EDA: variants seen among roughly 807,000 people sequenced by gnomAD.
EDA encodes the protein ectodysplasin A.
In EDA, 2 loss-of-function variants were observed where a neutral mutation model predicts 23.6. The ratio of observed to expected loss-of-function variants is 0.08; its 90% CI spans 0.03 to 0.27. The LOEUF (loss-of-function observed/expected upper bound fraction) is 0.27, where lower values mean the gene tolerates loss of function less well. EDA is among the 10% of genes least tolerant of loss of function. The pLI is 1.00. For synonymous variants in EDA, 131 were observed against 132.0 expected (o/e 0.99, Z 0.05); for missense variants, 229 against 324.2 (o/e 0.71, Z 2.26).
chrX:69,873,555 G>A (rs983015528), intron 1 of EDA, among the ~76,000 whole-genome samples: 5 of 112,210 alleles, frequency 4.5e-5, no homozygotes, highest in African/African-American at 1.6e-4. Flanking sequence ...GAAATGAAAT[G>A]GGAAATATTA....
intron 1 of EDA, among the ~76,000 whole-genome samples, chrX:69,624,789 C>CCTCTCTCT (rs751401580): frequency 2.7e-4 from 26 of 95,772 alleles, no homozygotes; most frequent in African/African-American, 1.0e-3. Flanking sequence ...GTCAGAAGCT[C>CCTCTCTCT]CTCTCTCTCT....
chrX:69,699,641 G>A (rs1255309361), intron 1 of EDA, among the ~76,000 whole-genome samples: 1 of 111,293 alleles, frequency 9.0e-6, no homozygotes, highest in Non-Finnish European at 1.9e-5. Context: ...TGTTTAGAGA[G>A]GTAGGCAACA....
At chrX:69,714,381 C>T (rs2012227301) in intron 1 of EDA, among the ~76,000 whole-genome samples, 1 of 111,380 alleles carries the variant, frequency 9.0e-6, no homozygotes, top group Admixed American at 9.6e-5. Context: ...CATAGGCTTT[C>T]ACAGAGCAAG....
At chrX:70,007,057 T>C (rs973081488) in intron 2 of EDA, among the ~76,000 whole-genome samples, 1 of 112,113 alleles carries the variant, frequency 8.9e-6, no homozygotes. Flanking sequence ...CAAAAATTTA[T>C]TGACTGTATT....
intron 1 of EDA, among the ~76,000 whole-genome samples, chrX:69,910,522 A>G (rs886648849): frequency 9.2e-6 from 1 of 108,464 alleles, no homozygotes; most frequent in African/African-American, 3.4e-5. Context: ...CATTTCTTCA[A>G]ATATTTTTCT....
intron 2 of EDA, among the ~76,000 whole-genome samples, chrX:70,016,712 G>A (rs1423028712): frequency 9.0e-6 from 1 of 111,406 alleles, no homozygotes; most frequent in Non-Finnish European, 1.9e-5. Flanking sequence ...AATCTCTCGG[G>A]CACTGCTAAA....
intron 1 of EDA, among the ~76,000 whole-genome samples, chrX:69,625,868 GA>G (rs1466911464): frequency 9.2e-6 from 1 of 108,134 alleles, no homozygotes; most frequent in Non-Finnish European, 1.9e-5. Flanking sequence ...CTTGAAAAAT[GA>G]AAAGAAATGC....
At chrX:69,855,483 A>AT (rs1320635402) in intron 1 of EDA, among the ~76,000 whole-genome samples, 1 of 111,487 alleles carries the variant, frequency 9.0e-6, no homozygotes. Flanking sequence ...TCTTTAATTA[A>AT]TTTTTCTATA....
intron 1 of EDA, among the ~76,000 whole-genome samples, chrX:69,793,907 T>G (rs2015480774): frequency 9.0e-6 from 1 of 111,204 alleles, no homozygotes; most frequent in Non-Finnish European, 1.9e-5. Flanking sequence ...CACTCCTGGA[T>G]GTAGAAAACT....
chrX:69,787,678 C>G (rs1188793190), intron 1 of EDA, among the ~76,000 whole-genome samples: 1 of 111,720 alleles, frequency 9.0e-6, no homozygotes, highest in Non-Finnish European at 1.9e-5. Flanking sequence ...GCCTGATGGG[C>G]TTCCCTTTGA....
At chrX:69,779,321 C>T (rs1569327888) in intron 1 of EDA, among the ~76,000 whole-genome samples, 1 of 111,609 alleles carries the variant, frequency 9.0e-6, no homozygotes, top group East Asian at 2.8e-4. Flanking sequence ...GTGATACACC[C>T]ATACAAAAGA....
In EDA at chrX:69,761,121, G is replaced by C. The variant is rs773474809; in HGVS notation, c.396+144417G>C. Among the ~76,000 whole-genome samples the C allele has an allele frequency of 1.3e-4, 14 of 110,886 alleles. No individual in the cohort carries two copies. The South Asian group carries it at 3.4e-3, about 27-fold the overall frequency. On this transcript the variant is annotated intron_variant, in intron 1 of 7. Transcript: ENST00000374552. ...ATATATAGAGGGAATGGCAGATGAA[G>C]AAAAGCTATAAGAGAGGTTAGGAAG... is the stretch of plus-strand genomic sequence containing the variant.
At chrX:69,790,492 C>A (rs949416653) in intron 1 of EDA, among the ~76,000 whole-genome samples, 2 of 111,156 alleles carry the variant, frequency 1.8e-5, no homozygotes, top group Middle Eastern at 4.6e-3. Flanking sequence ...AGTGTGTGAC[C>A]CACTCAGTGA....
In EDA at chrX:70,024,610, T is replaced by C. The variant is rs892617919; in HGVS notation, c.526+1369T>C. Reference sequence around the variant, plus strand: ...TTGAGAAGACAGTGCACATAGGCTTTAAACATTTACTTTGGCTGAAAGTTA... The same window carrying C: ...TTGAGAAGACAGTGCACATAGGCTTCAAACATTTACTTTGGCTGAAAGTTA... On this transcript the variant is annotated intron_variant, in intron 3 of 7. Transcript: ENST00000374552. 6.2e-5 allele frequency among the ~76,000 whole-genome samples: 7 copies of C among 112,995 alleles called. No homozygotes were observed. In the East Asian group the frequency reaches 2.0e-3, roughly 32 times the overall value.
intron 2 of EDA, among the ~76,000 whole-genome samples, chrX:69,997,640 G>A (rs2019678226): frequency 8.9e-6 from 1 of 112,703 alleles, no homozygotes; most frequent in South Asian, 3.6e-4. Context: ...GCATCTCAGA[G>A]GTCTTCACTG....
At chrX:69,696,625 A>G (rs1472970225) in intron 1 of EDA, among the ~76,000 whole-genome samples, 1 of 111,840 alleles carries the variant, frequency 8.9e-6, no homozygotes, top group East Asian at 2.8e-4. Flanking sequence ...TCTATTTTAA[A>G]TTACCATATA....
intron 1 of EDA, among the ~76,000 whole-genome samples, chrX:69,710,894 T>G (rs1358665740): frequency 1.8e-5 from 2 of 111,433 alleles, no homozygotes; most frequent in Admixed American, 1.9e-4. Flanking sequence ...GATTTTGGGC[T>G]GAGAAGATGG....
intron 1 of EDA, among the ~76,000 whole-genome samples, chrX:69,619,138 T>G (rs1281692619): frequency 8.9e-6 from 1 of 112,318 alleles, no homozygotes; most frequent in Non-Finnish European, 1.9e-5. Flanking sequence ...TATTTTTATA[T>G]TTTAGTTTTT....
chrX:69,802,901 A>G (rs756330147), intron 1 of EDA, among the ~76,000 whole-genome samples: 1 of 112,029 alleles, frequency 8.9e-6, no homozygotes, highest in Admixed American at 9.5e-5. Flanking sequence ...TTTTGAGTTC[A>G]TTATTCTATC....
Sources: gnomAD v4.1 joint callset for allele counts (sites outside exome capture counted in the v4.1 genomes callset) on GRCh38, gnomAD v4.1.1 for gene constraint, MANE v1.5 for transcripts, NCBI Gene and HGNC (gene_info 2026-07-23, HGNC 2026-07-21) for gene names.